The following TASP1 variants were observed in gnomAD, a reference collection of about 807,000 sequenced individuals.
TASP1 encodes the protein taspase 1.
In TASP1, 16 loss-of-function variants were observed where a neutral mutation model predicts 56.6. The observed-to-expected ratio is 0.28, with a 90% CI of 0.19 to 0.43. TASP1 has a LOEUF of 0.43. Among genes scored for constraint, TASP1 ranks in the 20% least tolerant of loss-of-function variants. TASP1 has a pLI of 1.00. For synonymous variants in TASP1, 179 were observed against 184.2 expected, an observed-to-expected ratio of 0.97 and a Z score of 0.23; for missense variants, 393 against 511.6, an observed-to-expected ratio of 0.77 and a Z score of 2.24.
chr20:13,139,657 G>A, the TASP1 span, among the ~76,000 whole-genome samples: 8 of 152,172 alleles, frequency 5.3e-5, no homozygotes, highest in African/African-American at 1.9e-4. Context: ...AACCACAAAG[G>A]AACCTGGGTA....
chr20:13,225,150 G>GC, the TASP1 span, among the ~76,000 whole-genome samples: 1 of 152,038 alleles, frequency 6.6e-6, no homozygotes, highest in East Asian at 1.9e-4. Flanking sequence ...ACCGCGCCCG[G>GC]CCCATACTAG....
At chr20:13,295,388 A>G in the TASP1 span, among the ~76,000 whole-genome samples, 1 of 152,150 alleles carries the variant, frequency 6.6e-6, no homozygotes, top group Non-Finnish European at 1.5e-5. Flanking sequence ...ATGATCTGAC[A>G]CCAACAATCT....
At chr20:13,225,285 GTTATT>G in the TASP1 span, among the ~76,000 whole-genome samples, 74 of 152,156 alleles carry the variant, frequency 4.9e-4, 2 homozygotes, top group African/African-American at 1.5e-3. Flanking sequence ...ATTTATTTTC[GTTATT>G]TTATAGTGGG....
intron 10 of TASP1, among the ~76,000 whole-genome samples, chr20:13,494,700 T>C (rs2146592281): frequency 6.6e-6 from 1 of 151,982 alleles, no homozygotes; most frequent in African/African-American, 2.4e-5. Context: ...GCTAATATCA[T>C]CACATGAATA....
At chr20:13,495,919 C>T (rs1338926593) in intron 10 of TASP1, among the ~76,000 whole-genome samples, 1 of 152,108 alleles carries the variant, frequency 6.6e-6, no homozygotes, top group Non-Finnish European at 1.5e-5. Flanking sequence ...TCACAGAATG[C>T]CCCATAAAAA....
chr20:13,377,366 G>T, the TASP1 span, among the ~76,000 whole-genome samples: 1 of 152,324 alleles, frequency 6.6e-6, no homozygotes, highest in South Asian at 2.1e-4. Context: ...TTTATGTGAT[G>T]GATTACGTTT....
At chr20:13,315,676 A>G in the TASP1 span, among the ~76,000 whole-genome samples, 2 of 152,064 alleles carry the variant, frequency 1.3e-5, no homozygotes, top group African/African-American at 4.8e-5. Context: ...AGCCTACTTC[A>G]TCCAACAACA....
At chr20:13,420,101 G>A (rs568712066) in intron 12 of TASP1, among the ~76,000 whole-genome samples, 16 of 152,150 alleles carry the variant, frequency 1.1e-4, no homozygotes, top group Non-Finnish European at 1.8e-4. Context: ...TATTAAGGGG[G>A]CAACTGCTCA....
the TASP1 span, among the ~76,000 whole-genome samples, chr20:13,347,389 C>T: frequency 6.6e-6 from 1 of 152,206 alleles, no homozygotes; most frequent in Admixed American, 6.5e-5. Context: ...GGAACTCCTC[C>T]TTTCCTGGGC....
the TASP1 span, among the ~76,000 whole-genome samples, chr20:13,161,046 C>T: frequency 6.6e-6 from 1 of 152,088 alleles, no homozygotes; most frequent in African/African-American, 2.4e-5. Context: ...TAAGATGTAG[C>T]TATTTAAACA....
chr20:13,619,571 C>A (rs915066074), intron 4 of TASP1, among the ~76,000 whole-genome samples: 1 of 152,072 alleles, frequency 6.6e-6, no homozygotes, highest in African/African-American at 2.4e-5. Context: ...CCAATTTTCT[C>A]AAAAAAGAAA....
At chr20:13,284,071 C>T in the TASP1 span, among the ~76,000 whole-genome samples, 1 of 152,216 alleles carries the variant, frequency 6.6e-6, no homozygotes, top group Non-Finnish European at 1.5e-5. Flanking sequence ...GAGCCTCAGT[C>T]TCCCTGCCCA....
intron 11 of TASP1, among the ~76,000 whole-genome samples, chr20:13,441,711 G>C (rs2043218544): frequency 6.6e-6 from 1 of 152,176 alleles, no homozygotes; most frequent in Non-Finnish European, 1.5e-5. Context: ...AAGCATAAAA[G>C]CAACAAGCCA....
intron 10 of TASP1, among the ~76,000 whole-genome samples, chr20:13,516,930 G>A (rs999523574): frequency 1.6e-4 from 24 of 151,946 alleles, no homozygotes; most frequent in Admixed American, 7.2e-4. Context: ...AGTGTAGGAG[G>A]GTGATGGGTA....
At chr20:13,577,556 G>A (rs1037576196) in intron 6 of TASP1, among the ~76,000 whole-genome samples, 4 of 152,094 alleles carry the variant, frequency 2.6e-5, no homozygotes, top group Non-Finnish European at 2.9e-5. Context: ...GATAAAATGA[G>A]GGTAGGGCCC....
At chr20:13,204,618 C>A in the TASP1 span, among the ~76,000 whole-genome samples, 2 of 151,836 alleles carry the variant, frequency 1.3e-5, no homozygotes, top group Non-Finnish European at 2.9e-5. Context: ...GGGCTCACTG[C>A]AACATCTGCC....
At chr20:13,552,354 G>A (rs2046007975) in intron 8 of TASP1, among the ~76,000 whole-genome samples, 1 of 152,136 alleles carries the variant, frequency 6.6e-6, no homozygotes, top group African/African-American at 2.4e-5. Context: ...CTGTCTCTAA[G>A]TGATGAATTT....
At chr20:13,203,454 A>C in the TASP1 span, among the ~76,000 whole-genome samples, 2 of 152,256 alleles carry the variant, frequency 1.3e-5, no homozygotes, top group Non-Finnish European at 2.9e-5. Flanking sequence ...TTCATGGATC[A>C]AACTTTAGGA....
chr20:13,414,545 A>G (rs1241871286), intron 13 of TASP1, among the ~76,000 whole-genome samples: 5 of 152,220 alleles, frequency 3.3e-5, no homozygotes, highest in Non-Finnish European at 5.9e-5. Context: ...TGACCTCTAC[A>G]TAATAAAAGA....
Sources: allele counts gnomAD v4.1 joint callset (sites outside exome capture counted in the v4.1 genomes callset), GRCh38; gene constraint gnomAD v4.1.1; transcripts MANE v1.5; gene names NCBI Gene and HGNC (gene_info 2026-07-23, HGNC 2026-07-21).